The following SLIT2 variants were observed in gnomAD, a reference collection of about 807,000 sequenced individuals.
SLIT2 encodes the protein slit homolog 2 protein.
A neutral mutation model predicts 185.7 loss-of-function variants in SLIT2; 41 were observed. The ratio of observed to expected loss-of-function variants is 0.22; its 90% CI spans 0.17 to 0.29. SLIT2 has a LOEUF of 0.29. SLIT2 is among the 10% of genes least tolerant of loss of function. SLIT2 has a pLI of 1.00. For missense variants in SLIT2, 1,571 were observed against 1,909.0 expected (o/e 0.82, Z 3.30); for synonymous variants, 693 against 680.2 (o/e 1.02, Z -0.29).
chr4:20,333,309 A>G (rs1166519601), intron 4 of SLIT2, among the ~76,000 whole-genome samples: 1 of 152,172 alleles, frequency 6.6e-6, no homozygotes, highest in Non-Finnish European at 1.5e-5. Context: ...AACACACTGT[A>G]TTTTTAAACA....
intron 11 of SLIT2, among the ~76,000 whole-genome samples, chr4:20,517,471 A>G (rs1720316615): frequency 6.8e-6 from 1 of 147,110 alleles, no homozygotes. Context: ...CAAAATATAT[A>G]TTTATTCATG....
chr4:20,617,362 C>T (rs1729744969), intron 35 of SLIT2, 77 bp from the exon 36 acceptor site: 1 of 1,454,214 alleles, frequency 6.9e-7, no homozygotes, highest in African/African-American at 1.4e-5. Flanking sequence ...AATCATCCTC[C>T]ATTCTTATAT....
intron 4 of SLIT2, among the ~76,000 whole-genome samples, chr4:20,300,946 A>G (rs190075751): frequency 3.4e-4 from 51 of 152,218 alleles, no homozygotes; most frequent in African/African-American, 1.2e-3. Context: ...TCGTTTTCTA[A>G]TTTTAAAAAG....
intron 4 of SLIT2, among the ~76,000 whole-genome samples, chr4:20,423,964 C>T (rs558660468): frequency 9.9e-5 from 15 of 152,108 alleles, no homozygotes; most frequent in Non-Finnish European, 1.9e-4. Flanking sequence ...AATCTATTGG[C>T]AATCTCTCTC....
chr4:20,455,011 T>G (rs754745205), intron 4 of SLIT2, among the ~76,000 whole-genome samples: 8 of 152,114 alleles, frequency 5.3e-5, no homozygotes, highest in Non-Finnish European at 8.8e-5. Flanking sequence ...CTCCACTTCT[T>G]GTCAAACATA....
intron 21 of SLIT2, 49 bp downstream of exon 21, chr4:20,542,675 T>C (rs757937162): frequency 1.9e-6 from 3 of 1,590,676 alleles, no homozygotes; most frequent in South Asian, 2.2e-5. Context: ...TGATGATAAA[T>C]GTTTCATACA....
chr4:20,574,763 G>A (rs549276657), intron 29 of SLIT2, among the ~76,000 whole-genome samples: 1 of 148,962 alleles, frequency 6.7e-6, no homozygotes, highest in Admixed American at 6.7e-5. Context: ...CTGCAGCCTG[G>A]GCAAGAGAGT....
chr4:20,442,542 A>G (rs1427063782), intron 4 of SLIT2, among the ~76,000 whole-genome samples: 3 of 143,356 alleles, frequency 2.1e-5, no homozygotes, highest in Non-Finnish European at 3.1e-5. Flanking sequence ...AAAAAAAAAA[A>G]AGGGGGGGGA....
intron 11 of SLIT2, among the ~76,000 whole-genome samples, chr4:20,518,085 A>G (rs1038389820): frequency 4.8e-5 from 7 of 146,932 alleles, no homozygotes; most frequent in South Asian, 2.1e-4. Flanking sequence ...ATGTGTGTGT[A>G]TATATATATA....
chr4:20,570,896 A>G (rs1725549226), intron 29 of SLIT2, among the ~76,000 whole-genome samples: 1 of 151,472 alleles, frequency 6.6e-6, no homozygotes, highest in South Asian at 2.1e-4. Context: ...TTGACTTTAG[A>G]TTTGCTATTC....
At chr4:20,615,391 T>C (rs1416030520) in intron 34 of SLIT2, 4 of 152,180 alleles carry the variant, frequency 2.6e-5, no homozygotes, top group African/African-American at 9.7e-5. Flanking sequence ...TCACCTGAGC[T>C]GCATGTAGAT....
At chr4:20,335,915 A>G (rs1045597281) in intron 4 of SLIT2, among the ~76,000 whole-genome samples, 2 of 36,188 alleles carry the variant, frequency 5.5e-5, no homozygotes, top group African/African-American at 3.4e-4. Flanking sequence ...ACCTTTAGGT[A>G]ATTTTATAAC....
rs1729098011 is a variant in SLIT2, at chr4:20,610,072, G to A, written c.3752G>A (p.Ser1251Asn). The A allele has an allele frequency of 1.2e-6, 2 of 1,613,676 alleles. No individual in the cohort carries two copies. Among genetic ancestry groups the A allele is most frequent in the Non-Finnish European group, 1.7e-6 (2 of 1,179,726 alleles). The part of the protein sequence containing the change: ...HIVELLALDQ[S>N]LSLSVDGGNP... ...GTGGAACTACTTGCCTTGGATCAGA[G>A]TCTCTCTTTGTCCGTGGATGGTGGG... Residue 1251 changes from serine (S) to asparagine (N), a missense_variant, in exon 34 of 37, where the codon AGT (serine) becomes AAT (asparagine). Ser to Asn is a conservative substitution (Grantham distance 46). Around this residue, in one of 3 missense-constraint regions of SLIT2, gnomAD observed 146 missense variants for 247.4 expected, o/e 0.59. Coordinates refer to ENST00000504154, the MANE Select transcript of SLIT2 (RefSeq NM_004787.4).
chr4:20,431,564 G>A (rs1032500399), intron 4 of SLIT2, among the ~76,000 whole-genome samples: 13 of 152,006 alleles, frequency 8.6e-5, no homozygotes, highest in Non-Finnish European at 1.6e-4. Context: ...CTTCCCCAGT[G>A]GGAACAAAAA....
intron 17 of SLIT2, chr4:20,533,355 A>G: frequency 1.8e-6 from 1 of 554,816 alleles, no homozygotes; most frequent in Non-Finnish European, 3.2e-6. Flanking sequence ...GTATGACATG[A>G]GTCACGCTGG....
At position 20,523,617 on chromosome 4, in the gene SLIT2, T is replaced by C. The variant is rs576415575; in HGVS notation, c.1131-143T>C. 4 of 672,154 alleles carry C rather than the reference T, an allele frequency of 6.0e-6. No individual in the cohort carries two copies. In the East Asian group the frequency reaches 1.1e-4, roughly 18 times the overall value. The allele number at this position is 672,154 out of a possible 1,614,324, so 41.6% of individuals were successfully genotyped here. A position where few individuals can be genotyped will look rare whatever the true frequency, so the allele number is the denominator to read the frequency against. On this transcript the variant is annotated intron_variant, in intron 12 of 36. Transcript: ENST00000504154. ...AAAACCCCACATCTCTAGCCTCTAATTCCTAAATTATTAAAGTTAAAATGT... is the reference window on the plus strand; with the variant it reads ...AAAACCCCACATCTCTAGCCTCTAACTCCTAAATTATTAAAGTTAAAATGT...
chr4:20,372,632 G>A (rs927443636), intron 4 of SLIT2, among the ~76,000 whole-genome samples: 2 of 151,846 alleles, frequency 1.3e-5, no homozygotes, highest in Admixed American at 6.6e-5. Flanking sequence ...CCATTTTTAT[G>A]ATCTTTGTTG....
intron 1 of SLIT2, among the ~76,000 whole-genome samples, chr4:20,255,318 G>A (rs1322924157): frequency 6.6e-6 from 1 of 152,188 alleles, no homozygotes; most frequent in Non-Finnish European, 1.5e-5. Flanking sequence ...GGCCCAAGTT[G>A]AGCCACCTTT....
Position 20,617,429 on chromosome 4 carries a change from C to T in SLIT2, c.4137-10C>T, listed in dbSNP as rs1729751952. The T allele has an allele frequency of 6.2e-7, 1 of 1,612,218 alleles. No homozygotes were observed. The highest frequency in any genetic ancestry group is 1.1e-5 in the South Asian group (1 of 90,966). ...ATGCATTCCCACTCCTGTGTTCCTC[C>T]TCCCTGTAGATGCGTACATGGCACC... is the stretch of plus-strand genomic sequence containing the variant. On this transcript the variant is annotated splice_polypyrimidine_tract_variant and intron_variant, in intron 35 of 36. Transcript: ENST00000504154.
Sources: allele counts gnomAD v4.1 joint callset (sites outside exome capture counted in the v4.1 genomes callset), GRCh38; gene constraint gnomAD v4.1.1; regional missense constraint gnomAD v4.1.1; transcripts MANE v1.5; gene names NCBI Gene and HGNC (gene_info 2026-07-23, HGNC 2026-07-21).